The following CSMD1 variants were observed in gnomAD, a reference collection of about 807,000 sequenced individuals.
The protein encoded by CSMD1 is CUB and Sushi multiple domains 1, also known as CUB and sushi domain-containing protein 1.
CSMD1 carries 213 observed loss-of-function variants against 417.5 expected under a neutral mutation model. That is an observed-to-expected ratio of 0.51 (90% CI 0.46 to 0.57). The LOEUF (loss-of-function observed/expected upper bound fraction) is 0.57. Among genes scored for constraint, CSMD1 ranks in the 20% least tolerant of loss-of-function variants. The pLI is 0.00. For synonymous variants in CSMD1, 2,862 were observed against 1,736.8 expected (o/e 1.65, Z -16.11); for missense variants, 6,923 against 4,529.7 (o/e 1.53, Z -15.17).
chr8:3,285,691 G>A (rs1017351375), intron 25 of CSMD1, among the ~76,000 whole-genome samples: 2 of 151,950 alleles, frequency 1.3e-5, no homozygotes, highest in South Asian at 2.1e-4. Flanking sequence ...GAGCCACCAC[G>A]CCCAGACCAG....
chr8:3,068,500 C>G (rs878992227), intron 49 of CSMD1, among the ~76,000 whole-genome samples: 3 of 152,122 alleles, frequency 2.0e-5, no homozygotes, highest in African/African-American at 7.2e-5. Flanking sequence ...GTGTATTAGG[C>G]CATTCTCGCA....
chr8:3,382,959 A>G (rs1274782742), intron 18 of CSMD1, among the ~76,000 whole-genome samples: 4 of 152,214 alleles, frequency 2.6e-5, no homozygotes, highest in Middle Eastern at 3.2e-3. Flanking sequence ...CATGATGCTC[A>G]CAGGCATGGC....
At chr8:4,840,747 G>C (rs1337608971) in intron 1 of CSMD1, among the ~76,000 whole-genome samples, 1 of 152,010 alleles carries the variant, frequency 6.6e-6, no homozygotes, top group Admixed American at 6.6e-5. Context: ...GTTTCTCTTT[G>C]CCCACTAATA....
At chr8:4,488,002 T>C (rs1801501675) in intron 2 of CSMD1, among the ~76,000 whole-genome samples, 1 of 152,148 alleles carries the variant, frequency 6.6e-6, no homozygotes, top group Non-Finnish European at 1.5e-5. Flanking sequence ...GGTGATGCTA[T>C]TATGAGATGG....
intron 1 of CSMD1, among the ~76,000 whole-genome samples, chr8:4,675,981 G>C (rs1487587754): frequency 6.6e-6 from 1 of 152,174 alleles, no homozygotes; most frequent in African/African-American, 2.4e-5. Context: ...ATAGATAATA[G>C]CAATTCTTCA....
intron 37 of CSMD1, among the ~76,000 whole-genome samples, chr8:3,165,983 G>A (rs949988335): frequency 7.2e-5 from 11 of 152,024 alleles, no homozygotes; most frequent in South Asian, 2.1e-4. Context: ...ACAGAAGGTC[G>A]TCTATTGATG....
At chr8:4,134,576 A>G (rs1361774522) in intron 3 of CSMD1, among the ~76,000 whole-genome samples, 1 of 152,192 alleles carries the variant, frequency 6.6e-6, no homozygotes, top group African/African-American at 2.4e-5. Context: ...TGGCAGCCCT[A>G]AGGAATGCAT....
chr8:3,742,014 G>A (rs2623716), intron 6 of CSMD1, among the ~76,000 whole-genome samples: 4 of 148,248 alleles, frequency 2.7e-5, no homozygotes, highest in Non-Finnish European at 4.4e-5. Context: ...ATTGCCTTTC[G>A]AGGCTGGAAT....
chr8:4,130,649 T>C lies in CSMD1; in HGVS notation c.416-98550A>G, dbSNP rs577230402. Among the ~76,000 whole-genome samples, 1,118 of 152,278 alleles carry C rather than the reference T, an allele frequency of 7.3e-3. 2 individuals are homozygous for C. The highest frequency in any genetic ancestry group is 0.012 in the Non-Finnish European group (798 of 68,014). On this transcript the variant is annotated intron_variant, in intron 3 of 69. Transcript: ENST00000635120. ...AATTTGTCCTTGTGAACTTGTGACTTTGAAGTAATCATTTTGTGATTATAA... is the reference window on the plus strand; with the variant it reads ...AATTTGTCCTTGTGAACTTGTGACTCTGAAGTAATCATTTTGTGATTATAA...
chr8:4,199,128 T>C (rs909324692), intron 3 of CSMD1, among the ~76,000 whole-genome samples: 1 of 152,170 alleles, frequency 6.6e-6, no homozygotes, highest in Non-Finnish European at 1.5e-5. Flanking sequence ...AAAGTTCTCA[T>C]ATATTTGTAT....
chr8:3,323,458 C>T (rs911480643), intron 23 of CSMD1, among the ~76,000 whole-genome samples: 10 of 152,188 alleles, frequency 6.6e-5, no homozygotes, highest in Non-Finnish European at 1.2e-4. Context: ...CCCTCTCTCT[C>T]TCTCTCACAT....
chr8:3,815,292 A>G (rs1205685051), intron 5 of CSMD1, among the ~76,000 whole-genome samples: 2 of 152,164 alleles, frequency 1.3e-5, no homozygotes, highest in African/African-American at 2.4e-5. Context: ...AGAAAGAATA[A>G]CCAATGGTGT....
intron 3 of CSMD1, among the ~76,000 whole-genome samples, chr8:4,060,144 C>G (rs1798896136): frequency 6.6e-6 from 1 of 152,118 alleles, no homozygotes; most frequent in African/African-American, 2.4e-5. Flanking sequence ...TCAACATATA[C>G]AAATCAATAA....
chr8:4,957,868 C>T (rs998025391), intron 1 of CSMD1, among the ~76,000 whole-genome samples: 5 of 152,096 alleles, frequency 3.3e-5, no homozygotes, highest in Non-Finnish European at 2.9e-5. Context: ...TCTGCCAGCC[C>T]CTGCAATATG....
chr8:3,974,190 C>A lies in CSMD1; in HGVS notation c.818+23713G>T, dbSNP rs569219119. 9.7e-4 allele frequency among the ~76,000 whole-genome samples: 148 copies of A among 152,122 alleles called. 1 individual carries two copies. Among genetic ancestry groups the A allele is most frequent in the African/African-American group, 3.5e-3 (147 of 41,516 alleles). On this transcript the variant is annotated intron_variant, in intron 5 of 69. Transcript: ENST00000635120. ...CGCACACACCCCCACAGTTTATTAG[C>A]TGAAAGATCAAAGCCAGGAAACCTT...
At chr8:4,298,010 T>C (rs904656185) in intron 3 of CSMD1, among the ~76,000 whole-genome samples, 3 of 152,160 alleles carry the variant, frequency 2.0e-5, no homozygotes, top group Admixed American at 6.6e-5. Flanking sequence ...AAACGCTTGT[T>C]TCCCTTCAAT....
rs114446922 is a variant in CSMD1 at position 3,849,809 on chromosome 8, C to G, written c.819-95767G>C. 2.1e-3 allele frequency among the ~76,000 whole-genome samples: 293 copies of G among 137,318 alleles called. 2 individuals carry two copies. The highest frequency in any genetic ancestry group is 8.3e-3 in the African/African-American group (270 of 32,694). 90.1% of individuals were successfully genotyped at this position (137,318 alleles called of 152,430 possible). ...GATGATATTGTGAGACAGAGTATATCTTTTTTTGTTTGGTTTTTGTTTTTG... is the reference window on the plus strand; with the variant it reads ...GATGATATTGTGAGACAGAGTATATGTTTTTTTGTTTGGTTTTTGTTTTTG... On this transcript the variant is annotated intron_variant, in intron 5 of 69. Coordinates refer to ENST00000635120, the MANE Select transcript of CSMD1 (RefSeq NM_033225.6).
At chr8:4,680,365 T>TA (rs950772139) in intron 1 of CSMD1, among the ~76,000 whole-genome samples, 104 of 152,354 alleles carry the variant, frequency 6.8e-4, no homozygotes, top group African/African-American at 2.4e-3. Context: ...TATCTTTCCC[T>TA]ACTAATGTTA....
chr8:4,087,267 T>G (rs982877938), intron 3 of CSMD1, among the ~76,000 whole-genome samples: 4 of 152,162 alleles, frequency 2.6e-5, no homozygotes, highest in Admixed American at 6.5e-5. Flanking sequence ...ACAGTTCAAC[T>G]TCTCTTGCTC....
Sources: gnomAD v4.1 joint callset for allele counts (sites outside exome capture counted in the v4.1 genomes callset) on GRCh38, gnomAD v4.1.1 for gene constraint, MANE v1.5 for transcripts, NCBI Gene and HGNC (gene_info 2026-07-23, HGNC 2026-07-21) for gene names.